Variants in KLHL1 observed in about 807,000 individuals in gnomAD.
The protein encoded by KLHL1 is kelch-like protein 1.
A neutral mutation model predicts 77.7 loss-of-function variants in KLHL1; 47 were observed. The observed-to-expected ratio is 0.60, with a 90% confidence interval of 0.48 to 0.77. KLHL1 has a LOEUF of 0.77. Among genes scored for constraint, KLHL1 ranks in the 30% least tolerant of loss-of-function variants. The probability of loss-of-function intolerance (pLI) is 0.00; values close to 1 mark genes in which losing one functional copy is unlikely to be tolerated. For missense variants in KLHL1, 925 were observed against 910.8 expected (o/e 1.02, Z -0.20); for synonymous variants, 360 against 325.2 (o/e 1.11, Z -1.15).
At chr13:69,787,013 T>C (rs933694028) in intron 7 of KLHL1, among the ~76,000 whole-genome samples, 3 of 152,194 alleles carry the variant, frequency 2.0e-5, no homozygotes, top group South Asian at 4.1e-4. Context: ...TAAAAGAGGA[T>C]ACAAACAAAT....
intron 7 of KLHL1, among the ~76,000 whole-genome samples, chr13:69,761,398 A>G (rs766021890): frequency 1.1e-4 from 16 of 152,274 alleles, no homozygotes; most frequent in Non-Finnish European, 1.6e-4. Context: ...GCCTGTTTAC[A>G]CCTCCAGTTA....
At chr13:70,076,315 A>G (rs1887265801) in intron 1 of KLHL1, among the ~76,000 whole-genome samples, 1 of 151,870 alleles carries the variant, frequency 6.6e-6, no homozygotes, top group African/African-American at 2.4e-5. Context: ...ACAGTCAGAA[A>G]CAGACCCACA....
intron 7 of KLHL1, among the ~76,000 whole-genome samples, chr13:69,742,939 T>G (rs918530757): frequency 1.3e-5 from 2 of 152,166 alleles, no homozygotes; most frequent in Non-Finnish European, 2.9e-5. Flanking sequence ...TTTAGAGAAG[T>G]ATAGGTAGAT....
In KLHL1 at chr13:69,701,089, A is replaced by C. The variant is rs1216442506; in HGVS notation, c.*613T>G. On this transcript the variant is annotated 3_prime_UTR_variant, in exon 11 of 11. Coordinates refer to ENST00000377844, the MANE Select transcript of KLHL1 (RefSeq NM_020866.3). ...AAATTCAACCATTATCTCTGATGAG[A>C]TATGCAGCTTTGATTAGTAGGACAG... 6.6e-6 allele frequency: 1 copy of C among 152,314 alleles called. No homozygotes were observed. Among genetic ancestry groups the C allele is most frequent in the Non-Finnish European group, 1.5e-5 (1 of 67,852 alleles). The allele number at this position is 152,314 out of a possible 1,614,324, so 9.4% of individuals were successfully genotyped here. A position where few individuals can be genotyped will look rare whatever the true frequency, so the allele number is the denominator to read the frequency against.
rs189515159 is a variant in KLHL1, at chr13:69,783,226, A to G, written c.1639+13512T>C. Among the ~76,000 whole-genome samples the G allele has an allele frequency of 3.6e-3, 541 of 151,940 alleles. 8 individuals are homozygous for G. The highest frequency in any genetic ancestry group is 0.012 in the African/African-American group (511 of 41,190). ...GTAGATAAAATGACAAAGATGGGGA[A>G]AAAACAGAGCAGAAAACCTGGAAAC... On this transcript the variant is annotated intron_variant, in intron 7 of 10. Transcript: ENST00000377844.
chr13:69,783,161 C>G (rs1393979595), intron 7 of KLHL1, among the ~76,000 whole-genome samples: 1 of 152,042 alleles, frequency 6.6e-6, no homozygotes, highest in African/African-American at 2.4e-5. Flanking sequence ...ACATCCACAA[C>G]AAAAACCCTT....
At chr13:69,935,869 T>C (rs1883172488) in intron 4 of KLHL1, among the ~76,000 whole-genome samples, 1 of 152,180 alleles carries the variant, frequency 6.6e-6, no homozygotes, top group Non-Finnish European at 1.5e-5. Flanking sequence ...TTGATGAATG[T>C]ATTACAAGAT....
At chr13:69,857,514 C>T (rs1179130125) in intron 5 of KLHL1, among the ~76,000 whole-genome samples, 2 of 151,966 alleles carry the variant, frequency 1.3e-5, no homozygotes, top group African/African-American at 2.4e-5. Context: ...ATAAATAATA[C>T]GTTTAAAACA....
chr13:69,933,882 G>A (rs1421362013), intron 4 of KLHL1, among the ~76,000 whole-genome samples: 2 of 151,960 alleles, frequency 1.3e-5, no homozygotes, highest in Non-Finnish European at 2.9e-5. Flanking sequence ...TTTGTCTGAA[G>A]GAATTCATAT....
chr13:69,763,487 A>C (rs1282401820), intron 7 of KLHL1, among the ~76,000 whole-genome samples: 4 of 152,202 alleles, frequency 2.6e-5, no homozygotes, highest in African/African-American at 9.6e-5. Flanking sequence ...TAATGTTTAC[A>C]TGTATGCATA....
chr13:69,865,544 G>A (rs114694276), intron 5 of KLHL1, among the ~76,000 whole-genome samples: 7 of 152,104 alleles, frequency 4.6e-5, no homozygotes, highest in African/African-American at 1.4e-4. Context: ...GGACGGCATC[G>A]TGAAGCATGA....
At chr13:69,824,259 T>C (rs1450875658) in intron 6 of KLHL1, among the ~76,000 whole-genome samples, 1 of 152,096 alleles carries the variant, frequency 6.6e-6, no homozygotes, top group Non-Finnish European at 1.5e-5. Context: ...GAAATGTTAT[T>C]AGTAGAAAAG....
At chr13:70,074,963 A>T (rs1453429396) in intron 1 of KLHL1, among the ~76,000 whole-genome samples, 1 of 152,102 alleles carries the variant, frequency 6.6e-6, no homozygotes, top group African/African-American at 2.4e-5. Flanking sequence ...AAAATTTAAA[A>T]TACCATTTAT....
intron 2 of KLHL1, among the ~76,000 whole-genome samples, chr13:69,962,188 T>C (rs566569937): frequency 6.6e-6 from 1 of 152,162 alleles, no homozygotes; most frequent in East Asian, 1.9e-4. Context: ...TATAGATTCT[T>C]GGTTGATTCT....
At chr13:69,927,144 G>T (rs993402137) in intron 4 of KLHL1, among the ~76,000 whole-genome samples, 56 of 152,050 alleles carry the variant, frequency 3.7e-4, no homozygotes, top group African/African-American at 1.3e-3. Flanking sequence ...ATTCCATGGA[G>T]AAAAATGTTA....
intron 4 of KLHL1, among the ~76,000 whole-genome samples, chr13:69,890,714 T>C (rs1881397425): frequency 6.6e-6 from 1 of 151,850 alleles, no homozygotes; most frequent in African/African-American, 2.4e-5. Context: ...TTCTTTAATC[T>C]GTATAGAAGG....
At chr13:69,744,661 C>G (rs1057260326) in intron 7 of KLHL1, among the ~76,000 whole-genome samples, 11 of 151,710 alleles carry the variant, frequency 7.3e-5, no homozygotes, top group South Asian at 6.2e-4. Flanking sequence ...AAGGTACACC[C>G]CCCCCAAAAG....
chr13:69,813,530 C>T (rs1224251333), intron 6 of KLHL1, among the ~76,000 whole-genome samples: 2 of 150,162 alleles, frequency 1.3e-5, no homozygotes, highest in Admixed American at 1.3e-4. Flanking sequence ...AGACCCTAGA[C>T]TTGATAAACA....
intron 3 of KLHL1, among the ~76,000 whole-genome samples, chr13:69,943,030 T>C (rs1883411847): frequency 6.6e-6 from 1 of 152,132 alleles, no homozygotes; most frequent in Non-Finnish European, 1.5e-5. Flanking sequence ...CTAGTTGTTC[T>C]GCAGAATTCC....
Sources: gnomAD v4.1 joint callset for allele counts (sites outside exome capture counted in the v4.1 genomes callset) on GRCh38, gnomAD v4.1.1 for gene constraint, MANE v1.5 for transcripts, NCBI Gene and HGNC (gene_info 2026-07-23, HGNC 2026-07-21) for gene names.